Variants in ANKS1B observed in about 807,000 individuals in gnomAD.
The protein encoded by ANKS1B is ankyrin repeat and sterile alpha motif domain containing 1B, also known as ankyrin repeat and sterile alpha motif domain-containing protein 1B.
ANKS1B carries 36 observed loss-of-function variants against 148.3 expected under a neutral mutation model. The ratio of observed to expected loss-of-function variants is 0.24; its 90% CI spans 0.19 to 0.32. The LOEUF is 0.32. Ranked by LOEUF, ANKS1B falls within the 10% of genes least tolerant of loss-of-function variation. The pLI is 1.00. For missense variants in ANKS1B, 1,157 were observed against 1,542.6 expected, an observed-to-expected ratio of 0.75 and a Z score of 4.19; for synonymous variants, 542 against 560.8, an observed-to-expected ratio of 0.97 and a Z score of 0.47.
At chr12:99,763,041 T>G (rs1343333896) in intron 8 of ANKS1B, among the ~76,000 whole-genome samples, 6 of 152,044 alleles carry the variant, frequency 3.9e-5, no homozygotes, top group Non-Finnish European at 8.8e-5. Flanking sequence ...AAACACTATT[T>G]GTGGGAATGT....
At chr12:98,865,272 C>T (rs1205524594) in intron 17 of ANKS1B, among the ~76,000 whole-genome samples, 1 of 152,202 alleles carries the variant, frequency 6.6e-6, no homozygotes, top group Non-Finnish European at 1.5e-5. Flanking sequence ...TCATCACCTT[C>T]CCCACTTCTT....
chr12:99,762,322 A>C (rs750104730), intron 8 of ANKS1B, among the ~76,000 whole-genome samples: 5 of 146,642 alleles, frequency 3.4e-5, no homozygotes, highest in Admixed American at 7.0e-5. Context: ...CAAATACTTC[A>C]TGGTACTGGT....
chr12:99,854,607 A>G (rs980364368), intron 1 of ANKS1B, among the ~76,000 whole-genome samples: 2 of 152,184 alleles, frequency 1.3e-5, no homozygotes, highest in Non-Finnish European at 2.9e-5. Flanking sequence ...CAGTTTATCT[A>G]AAGTCAAGAC....
At chr12:99,643,373 T>C (rs1016410815) in intron 9 of ANKS1B, among the ~76,000 whole-genome samples, 3 of 152,162 alleles carry the variant, frequency 2.0e-5, no homozygotes, top group Admixed American at 6.5e-5. Flanking sequence ...ATGACAAGTG[T>C]AGCGAAACAA....
intron 1 of ANKS1B, among the ~76,000 whole-genome samples, chr12:99,851,709 C>G (rs916078740): frequency 6.6e-6 from 1 of 151,908 alleles, no homozygotes; most frequent in Non-Finnish European, 1.5e-5. Context: ...TGTTGGTAAC[C>G]CAGACAAGCT....
chr12:99,803,275 A>ACCCCC (rs35970531), intron 4 of ANKS1B, among the ~76,000 whole-genome samples: 1 of 89,846 alleles, frequency 1.1e-5, no homozygotes, highest in African/African-American at 4.1e-5. Flanking sequence ...TTAAATATTC[A>ACCCCC]CCCCCCCCCA....
chr12:99,407,823 A>G (rs1016894154), intron 11 of ANKS1B, among the ~76,000 whole-genome samples: 1 of 146,072 alleles, frequency 6.8e-6, no homozygotes, highest in Non-Finnish European at 1.5e-5. Context: ...AGTGAAAACT[A>G]TAAACACGGA....
rs5800380 is a variant in ANKS1B at position 99,220,449 on chromosome 12, C to CTTTTT, written c.2419+23888_2419+23892dup. ...CAAGCATACAATAAAAGTAGCATTT[C>CTTTTT]TTTTTTTTTTTTTTTTTTTTGAGAT... On this transcript the variant is annotated intron_variant, in intron 14 of 26. Coordinates refer to ENST00000683438, the MANE Select transcript of ANKS1B (RefSeq NM_001352186.2). Among the ~76,000 whole-genome samples, 13 of 112,706 alleles carry CTTTTT rather than the reference C, an allele frequency of 1.2e-4. No homozygotes were observed. In the East Asian group the frequency reaches 1.2e-3, roughly 10 times the overall value. The allele number at this position is 112,706 out of a possible 152,430, so 73.9% of individuals were successfully genotyped here.
At chr12:98,980,160 C>T (rs2099907169) in intron 17 of ANKS1B, among the ~76,000 whole-genome samples, 1 of 152,152 alleles carries the variant, frequency 6.6e-6, no homozygotes, top group Non-Finnish European at 1.5e-5. Flanking sequence ...TTTCTCTCCT[C>T]ATTTCATGTT....
intron 10 of ANKS1B, among the ~76,000 whole-genome samples, chr12:99,488,298 T>C (rs1220514406): frequency 1.3e-5 from 2 of 152,188 alleles, no homozygotes; most frequent in Non-Finnish European, 2.9e-5. Flanking sequence ...AATCTCTTTG[T>C]CTTTCATTAG....
intron 16 of ANKS1B, among the ~76,000 whole-genome samples, chr12:99,054,548 A>T (rs1291803154): frequency 1.3e-5 from 2 of 151,398 alleles, no homozygotes; most frequent in African/African-American, 2.4e-5. Context: ...GTTTTATTTT[A>T]TTTTTTTTGA....
chr12:99,953,490 G>T (rs2095263385), intron 1 of ANKS1B, among the ~76,000 whole-genome samples: 1 of 152,012 alleles, frequency 6.6e-6, no homozygotes, highest in Non-Finnish European at 1.5e-5. Flanking sequence ...CCAATAATCT[G>T]GTGGCCAGTG....
intron 10 of ANKS1B, among the ~76,000 whole-genome samples, chr12:99,459,028 C>T (rs2095898002): frequency 1.3e-5 from 2 of 152,186 alleles, no homozygotes; most frequent in Non-Finnish European, 2.9e-5. Flanking sequence ...TATTACTTAA[C>T]TGAATCCTAC....
intron 24 of ANKS1B, among the ~76,000 whole-genome samples, chr12:98,779,713 G>A (rs965461603): frequency 1.3e-5 from 2 of 152,082 alleles, no homozygotes; most frequent in Non-Finnish European, 2.9e-5. Context: ...AAAACCAACT[G>A]ACTATAATTT....
At chr12:99,053,466 A>G (rs1031525508) in intron 16 of ANKS1B, among the ~76,000 whole-genome samples, 157 bp from the exon 17 acceptor site, 2 of 152,246 alleles carry the variant, frequency 1.3e-5, no homozygotes, top group East Asian at 3.8e-4. Context: ...TGTTTTCACA[A>G]TTCTAAAACA....
intron 9 of ANKS1B, among the ~76,000 whole-genome samples, chr12:99,599,021 A>T (rs2097779512): frequency 6.6e-6 from 1 of 151,908 alleles, no homozygotes; most frequent in South Asian, 2.1e-4. Context: ...TTGTAATCAT[A>T]TTGCACAATT....
intron 12 of ANKS1B, among the ~76,000 whole-genome samples, chr12:99,270,684 C>G (rs144501810): frequency 2.6e-5 from 4 of 152,150 alleles, no homozygotes; most frequent in Admixed American, 2.0e-4. Flanking sequence ...CTTCCTCAAC[C>G]CATTTTTTGC....
chr12:98,734,902 G>A (rs1474049288), exon 10 of ANKS1B: 2 of 320,652 alleles, frequency 6.2e-6, no homozygotes, highest in Non-Finnish European at 1.1e-5. Context: ...CTGTTATAAA[G>A]TATAACAACA....
At chr12:99,196,245 C>T (rs2153890542) in intron 14 of ANKS1B, among the ~76,000 whole-genome samples, 1 of 152,306 alleles carries the variant, frequency 6.6e-6, no homozygotes, top group Non-Finnish European at 1.5e-5. Flanking sequence ...TAGTCTCCAA[C>T]AGTTCAATTC....
Sources: gnomAD v4.1 joint callset for allele counts (sites outside exome capture counted in the v4.1 genomes callset) on GRCh38, gnomAD v4.1.1 for gene constraint, MANE v1.5 for transcripts, NCBI Gene and HGNC (gene_info 2026-07-23, HGNC 2026-07-21) for gene names.